The following C8orf34 variants were observed in gnomAD, a reference collection of about 807,000 sequenced individuals.
C8orf34 encodes uncharacterized protein C8orf34.
A neutral mutation model predicts 68.3 loss-of-function variants in C8orf34; 65 were observed. The ratio of observed to expected loss-of-function variants is 0.95; its 90% CI spans 0.78 to 1.17. The LOEUF (loss-of-function observed/expected upper bound fraction) is 1.17. C8orf34 is among the 50% of genes most tolerant of loss of function. The pLI, the probability that C8orf34 is intolerant of heterozygous loss-of-function variation, is 0.00. For synonymous variants in C8orf34, 244 were observed against 241.2 expected (o/e 1.01, Z -0.11); for missense variants, 664 against 655.4 (o/e 1.01, Z -0.14).
intron 7 of C8orf34, chr8:68,625,608 G>A (rs951524198): frequency 4.7e-5 from 33 of 701,780 alleles, no homozygotes; most frequent in Non-Finnish European, 8.3e-5. Flanking sequence ...TGTCAGACAG[G>A]GAGGCAACAT....
At chr8:68,426,546 A>G (rs1172670002) in intron 1 of C8orf34, among the ~76,000 whole-genome samples, 5 of 149,190 alleles carry the variant, frequency 3.4e-5, no homozygotes, top group Non-Finnish European at 4.5e-5. Context: ...AAAAAAGAAA[A>G]CAGAAAAAAA....
chr8:68,763,651 T>C (rs1823086655), intron 10 of C8orf34, among the ~76,000 whole-genome samples: 1 of 152,230 alleles, frequency 6.6e-6, no homozygotes, highest in African/African-American at 2.4e-5. Context: ...CCCGTCATTT[T>C]GAAATATTCA....
At chr8:68,481,936 G>A (rs1586230672) in intron 4 of C8orf34, among the ~76,000 whole-genome samples, 1 of 152,168 alleles carries the variant, frequency 6.6e-6, no homozygotes, top group Non-Finnish European at 1.5e-5. Context: ...GGACTGTTGG[G>A]AAGGCATGAT....
At chr8:68,525,558 G>A (rs528266634) in intron 6 of C8orf34, 13 of 909,552 alleles carry the variant, frequency 1.4e-5, no homozygotes, top group African/African-American at 1.6e-5. Flanking sequence ...GTGTGTCTTC[G>A]TCTTACTTCT....
chr8:68,674,536 G>A (rs1351678087), intron 8 of C8orf34, among the ~76,000 whole-genome samples: 1 of 151,914 alleles, frequency 6.6e-6, no homozygotes, highest in Non-Finnish European at 1.5e-5. Context: ...TCTCTTAACA[G>A]CAGAATTGAT....
chr8:68,527,341 G>C (rs1406058039), intron 6 of C8orf34, among the ~76,000 whole-genome samples: 1 of 152,194 alleles, frequency 6.6e-6, no homozygotes, highest in African/African-American at 2.4e-5. Context: ...GGGAGGCCGA[G>C]GCGGGCGGAT....
At chr8:68,615,424 G>A (rs985838996) in intron 7 of C8orf34, among the ~76,000 whole-genome samples, 6 of 151,958 alleles carry the variant, frequency 3.9e-5, no homozygotes, top group African/African-American at 1.2e-4. Context: ...TTGGCTGTGG[G>A]TTTGTCATAG....
intron 3 of C8orf34, among the ~76,000 whole-genome samples, chr8:68,464,013 C>T (rs1563460392): frequency 6.6e-6 from 1 of 152,142 alleles, no homozygotes; most frequent in Non-Finnish European, 1.5e-5. Context: ...TCCCCATTTG[C>T]AGATGACATG....
At chr8:68,348,373 G>A (rs1204884523) in intron 1 of C8orf34, among the ~76,000 whole-genome samples, 1 of 152,090 alleles carries the variant, frequency 6.6e-6, no homozygotes, top group Non-Finnish European at 1.5e-5. Flanking sequence ...TACCCTTGCA[G>A]TATAGTTTGA....
intron 5 of C8orf34, among the ~76,000 whole-genome samples, chr8:68,511,849 T>C (rs1230334743): frequency 6.6e-6 from 1 of 152,176 alleles, no homozygotes; most frequent in Non-Finnish European, 1.5e-5. Flanking sequence ...CAAAATAAGC[T>C]TCCTTGACTC....
At chr8:68,471,963 C>A (rs1480245262) in intron 4 of C8orf34, among the ~76,000 whole-genome samples, 4 of 133,950 alleles carry the variant, frequency 3.0e-5, no homozygotes, top group South Asian at 4.9e-4. Flanking sequence ...CACACACACA[C>A]AACTCAAATA....
intron 7 of C8orf34, among the ~76,000 whole-genome samples, chr8:68,616,447 A>G (rs1018728361): frequency 2.6e-5 from 4 of 152,122 alleles, no homozygotes; most frequent in East Asian, 1.9e-4. Context: ...ATTTCCCTAT[A>G]CACACTGCTT....
At chr8:68,573,638 G>C (rs1015310993) in intron 7 of C8orf34, among the ~76,000 whole-genome samples, 2 of 152,130 alleles carry the variant, frequency 1.3e-5, no homozygotes, top group East Asian at 1.9e-4. Context: ...GCAATATAAT[G>C]CATCTACTTC....
At chr8:68,391,624 C>G (rs566839323) in intron 1 of C8orf34, among the ~76,000 whole-genome samples, 1 of 152,188 alleles carries the variant, frequency 6.6e-6, no homozygotes, top group Non-Finnish European at 1.5e-5. Context: ...CAGCAAGATA[C>G]TGTCACATTG....
upstream of C8orf34, chr8:68,330,892 C>A: frequency 2.4e-6 from 2 of 850,530 alleles, no homozygotes; most frequent in Non-Finnish European, 3.3e-6. Context: ...AGCTCGCCTC[C>A]CGCCCCCTGA....
Position 68,747,707 on chromosome 8 carries a change from T to C in C8orf34, c.1404+26270T>C, listed in dbSNP as rs1156798716. Among the ~76,000 whole-genome samples the C allele has an allele frequency of 7.9e-5, 12 of 152,152 alleles. No individual in the cohort carries two copies. In the South Asian group the frequency reaches 2.3e-3, roughly 29 times the overall value. ...TGTGAAGGACCTCTTCAAGGAGAAC[T>C]GCAAACCACTGCTCAAGGAAATAAA... On this transcript the variant is annotated intron_variant, in intron 10 of 13. Transcript: ENST00000518698.
chr8:68,712,325 T>G (rs1042977210), intron 9 of C8orf34, among the ~76,000 whole-genome samples: 4 of 152,098 alleles, frequency 2.6e-5, no homozygotes, highest in Non-Finnish European at 5.9e-5. Flanking sequence ...ACGAATAGAA[T>G]ACTACCTCAC....
chr8:68,679,036 C>A (rs1820283334), intron 8 of C8orf34, among the ~76,000 whole-genome samples: 2 of 152,170 alleles, frequency 1.3e-5, no homozygotes, highest in South Asian at 4.1e-4. Flanking sequence ...CACGGTGGCT[C>A]CTGCCTGTAA....
At chr8:68,650,812 T>C (rs1489096240) in intron 8 of C8orf34, among the ~76,000 whole-genome samples, 1 of 152,152 alleles carries the variant, frequency 6.6e-6, no homozygotes, top group African/African-American at 2.4e-5. Flanking sequence ...ATGGGTTCCC[T>C]ACCTGGCTGG....
Sources: gnomAD v4.1 joint callset for allele counts (sites outside exome capture counted in the v4.1 genomes callset) on GRCh38, gnomAD v4.1.1 for gene constraint, MANE v1.5 for transcripts, NCBI Gene and HGNC (gene_info 2026-07-23, HGNC 2026-07-21) for gene names.